Variants in RBM25 observed in about 807,000 individuals in gnomAD.
RBM25 encodes RNA binding motif protein 25, also known as RNA-binding protein 25.
RBM25 carries 19 observed loss-of-function variants against 120.7 expected under a neutral mutation model. That is an observed-to-expected ratio of 0.16 (90% confidence interval 0.11 to 0.23). The LOEUF is 0.23. Ranked by LOEUF, RBM25 falls within the 10% of genes least tolerant of loss-of-function variation. The pLI is 1.00. For synonymous variants in RBM25, 390 were observed against 326.7 expected, an observed-to-expected ratio of 1.19 and a Z score of -2.09; for missense variants, 605 against 1,041.5, an observed-to-expected ratio of 0.58 and a Z score of 5.77.
At chr14:73,105,725 T>G in intron 10 of RBM25, 134 bp from the exon 11 acceptor site, 2 of 1,367,298 alleles carry the variant, frequency 1.5e-6, no homozygotes, top group Non-Finnish European at 2.0e-6. Flanking sequence ...GTTACATAGT[T>G]TTATGGAAAT....
intron 2 of RBM25, among the ~76,000 whole-genome samples, chr14:73,073,396 A>T (rs183246954): frequency 1.3e-5 from 2 of 152,320 alleles, no homozygotes; most frequent in Non-Finnish European, 1.5e-5. Context: ...ATCATAATTT[A>T]AAAAAATCAG....
At position 73,103,265 on chromosome 14, in the gene RBM25, G is replaced by A; in HGVS notation, c.941G>A (p.Arg314Lys). Reference protein sequence around the residue: ...EIEKERRERERERERERERRE... With the variant: ...EIEKERREREKERERERERRE... Reference sequence around the variant, plus strand: ...GAGAAAGAACGGAGAGAAAGAGAGAGGGAGCGTGAAAGGGAACGAGAAAGG... The same window carrying A: ...GAGAAAGAACGGAGAGAAAGAGAGAAGGAGCGTGAAAGGGAACGAGAAAGG... The change falls in exon 10 of 19, where the codon AGG (arginine) becomes AAG (lysine). Residue 314 changes from arginine (R) to lysine (K), a missense_variant. By Grantham distance (26) the Arg-to-Lys change is conservative. This residue lies in a region of RBM25 where 465 missense variants were observed against 741.6 expected (regional missense o/e 0.63). Transcript: ENST00000261973. The A allele has an allele frequency of 6.3e-7, 1 of 1,597,300 alleles. No individual in the cohort carries two copies. Among genetic ancestry groups the A allele is most frequent in the Non-Finnish European group, 8.5e-7 (1 of 1,170,832 alleles).
At chr14:73,089,850 A>G (rs996690749) in intron 6 of RBM25, among the ~76,000 whole-genome samples, 3 of 151,396 alleles carry the variant, frequency 2.0e-5, no homozygotes, top group African/African-American at 7.3e-5. Context: ...TATTTTCACT[A>G]TGTAAGTGAG....
At position 73,122,326 on chromosome 14, in the gene RBM25, AGT is replaced by A. The variant is rs945943369; in HGVS notation, c.*2523_*2524del. 4.7e-5 allele frequency: 7 copies of A among 147,864 alleles called. No individual in the cohort carries two copies. Among genetic ancestry groups the A allele is most frequent in the African/African-American group, 1.5e-4 (6 of 39,812 alleles). The allele number at this position is 147,864 out of a possible 1,614,324, so 9.2% of individuals were successfully genotyped here. On this transcript the variant is annotated 3_prime_UTR_variant, in exon 19 of 19. Coordinates refer to ENST00000261973, the MANE Select transcript of RBM25 (RefSeq NM_021239.3). ...GTTGTGCTTTTGTCGCCCAGGATGG[AGT>A]GCAATGGCGCGAGCTCAGCTCACTT... is the stretch of plus-strand genomic sequence containing the variant.
At chr14:73,067,866 T>C (rs1001639284) in intron 1 of RBM25, among the ~76,000 whole-genome samples, 3 of 152,040 alleles carry the variant, frequency 2.0e-5, no homozygotes, top group Admixed American at 6.6e-5. Context: ...CCCAAAGTGC[T>C]GGGATTACAG....
chr14:73,102,871 C>T (rs551040488), intron 9 of RBM25: 265 of 247,224 alleles, frequency 1.1e-3, no homozygotes, highest in Non-Finnish European at 1.7e-3. Flanking sequence ...TGATCGTATT[C>T]ATAGAAAATA....
Position 73,103,425 on chromosome 14 carries a change from T to G in RBM25, c.1101T>G (p.Arg367=). ...GAGATCGGGATCGAGAGAGAGATCG[T>G]GACCGGGATAGAGAAAGGAGCTCAG... ...RDRDRDRERD[R]DRDRERSSDR... is the part of the protein sequence containing the mutation. Residue 367 remains arginine (R), a synonymous_variant, in exon 10 of 19, where the codon CGT becomes CGG. Transcript: ENST00000261973. 6.8e-6 allele frequency: 11 copies of G among 1,613,338 alleles called. No individual in the cohort carries two copies. Among genetic ancestry groups the G allele is most frequent in the Non-Finnish European group, 9.3e-6 (11 of 1,179,730 alleles).
At chr14:73,108,438 TC>T (rs777173983) in intron 13 of RBM25, among the ~76,000 whole-genome samples, 1 of 152,208 alleles carries the variant, frequency 6.6e-6, no homozygotes, top group Non-Finnish European at 1.5e-5. Flanking sequence ...CAATTTGACC[TC>T]CCGTCTCTCA....
intron 6 of RBM25, 117 bp from the exon 7 acceptor site, chr14:73,096,798 A>G: frequency 1.3e-6 from 1 of 794,484 alleles, no homozygotes; most frequent in Non-Finnish European, 2.0e-6. Flanking sequence ...TTCTGTGTTT[A>G]ATAGGACTAC....
At chr14:73,115,310 T>C (rs1422207051) in intron 18 of RBM25, among the ~76,000 whole-genome samples, 1 of 152,250 alleles carries the variant, frequency 6.6e-6, no homozygotes, top group South Asian at 2.1e-4. Context: ...TTTTTCCTGA[T>C]CCTCTCCCTC....
rs1283289486 is a variant in RBM25 at position 73,071,764 on chromosome 14, T to C, written c.106+17T>C. ...TACCTCCAGGTAAGTTTGTTGATAC[T>C]GTTTTTTGTCGTTAAACTTGTACTT... On this transcript the variant is annotated intron_variant, in intron 2 of 18. Transcript: ENST00000261973. 1.3e-6 allele frequency: 2 copies of C among 1,573,430 alleles called. No homozygotes were observed. Among genetic ancestry groups the C allele is most frequent in the Admixed American group, 1.7e-5 (1 of 59,662 alleles).
At chr14:73,072,286 T>A (rs1424383741) in intron 2 of RBM25, among the ~76,000 whole-genome samples, 4 of 150,300 alleles carry the variant, frequency 2.7e-5, no homozygotes, top group African/African-American at 9.8e-5. Flanking sequence ...ATTCTATATT[T>A]AAAAAAAATG....
At chr14:73,093,948 GTT>G (rs1004873413) in intron 6 of RBM25, among the ~76,000 whole-genome samples, 2 of 122,166 alleles carry the variant, frequency 1.6e-5, no homozygotes. Flanking sequence ...ATCAGGTTTT[GTT>G]TTTTTTTTTT....
Position 73,073,426 on chromosome 14 carries a change from G to A in RBM25, c.106+1679G>A, listed in dbSNP as rs138807847. On this transcript the variant is annotated intron_variant, in intron 2 of 18. Transcript: ENST00000261973. ...AATCAGGCCGGGCACAGTGGCTCAC[G>A]CCTGTAACCTCAGAACTTTGGGAGG... Among the ~76,000 whole-genome samples, 5 of 152,294 alleles carry A rather than the reference G, an allele frequency of 3.3e-5. No individual in the cohort carries two copies. In the East Asian group the frequency reaches 5.8e-4, roughly 18 times the overall value.
chr14:73,109,105 A>C (rs973545695), intron 13 of RBM25: 18 of 286,642 alleles, frequency 6.3e-5, no homozygotes, highest in Non-Finnish European at 7.2e-5. Context: ...TTAGACACTT[A>C]TTAGAATGAC....
chr14:73,078,564 A>G (rs1188579483), intron 4 of RBM25, among the ~76,000 whole-genome samples: 1 of 152,160 alleles, frequency 6.6e-6, no homozygotes, highest in Non-Finnish European at 1.5e-5. Context: ...AGTAATGGCC[A>G]TAATATTAAT....
chr14:73,112,514 G>T (rs1266060877), intron 17 of RBM25, among the ~76,000 whole-genome samples: 1 of 151,950 alleles, frequency 6.6e-6, no homozygotes, highest in Non-Finnish European at 1.5e-5. Flanking sequence ...TATTTCAGTG[G>T]TCGAGGAGGA....
chr14:73,105,038 T>TACAC (rs57281649), intron 10 of RBM25, among the ~76,000 whole-genome samples: 11,759 of 141,178 alleles, frequency 0.083, 565 homozygotes, highest in Middle Eastern at 0.21. Flanking sequence ...ACATATTAAA[T>TACAC]ACACACACAC....
At chr14:73,086,997 G>A (rs546012998) in intron 5 of RBM25, among the ~76,000 whole-genome samples, 2 of 152,168 alleles carry the variant, frequency 1.3e-5, no homozygotes, top group African/African-American at 2.4e-5. Context: ...GAGCCACTGC[G>A]CCCGGCCTAA....
Sources: gnomAD v4.1 joint callset for allele counts (sites outside exome capture counted in the v4.1 genomes callset) on GRCh38, gnomAD v4.1.1 for gene constraint, gnomAD v4.1.1 regional missense constraint, MANE v1.5 for transcripts, NCBI Gene and HGNC (gene_info 2026-07-23, HGNC 2026-07-21) for gene names.